Variants in UBE3C observed in about 807,000 individuals in gnomAD.
The protein encoded by UBE3C is ubiquitin protein ligase E3C.
In UBE3C, 42 loss-of-function variants were observed where a neutral mutation model predicts 129.4. That is an observed-to-expected ratio of 0.32 (90% CI 0.25 to 0.42). UBE3C has a LOEUF of 0.42. UBE3C is among the 10% of genes least tolerant of loss of function. The pLI is 1.00. For synonymous variants in UBE3C, 510 were observed against 492.4 expected, an observed-to-expected ratio of 1.04 and a Z score of -0.47; for missense variants, 1,049 against 1,319.1, an observed-to-expected ratio of 0.80 and a Z score of 3.17.
chr7:157,197,708 A>G (rs545872075), intron 10 of UBE3C: 85 of 1,609,992 alleles, frequency 5.3e-5, no homozygotes, highest in Non-Finnish European at 6.8e-5. Flanking sequence ...GAATAAAGTC[A>G]AGAGCTGCAA....
intron 1 of UBE3C, among the ~76,000 whole-genome samples, chr7:157,141,829 C>T (rs534304540): frequency 1.6e-3 from 238 of 152,302 alleles, no homozygotes; most frequent in Non-Finnish European, 2.9e-3. Context: ...AGGTGGACTC[C>T]ATCCGCCTCG....
chr7:157,158,808 ATTG>A (rs985391117), intron 1 of UBE3C, among the ~76,000 whole-genome samples: 2 of 152,184 alleles, frequency 1.3e-5, no homozygotes, highest in African/African-American at 4.8e-5. Flanking sequence ...TTTAAAATCT[ATTG>A]TTGATTTTAT....
At chr7:157,234,203 G>GT (rs964621521) in intron 18 of UBE3C, among the ~76,000 whole-genome samples, 1 of 151,948 alleles carries the variant, frequency 6.6e-6, no homozygotes, top group African/African-American at 2.4e-5. Context: ...AGTCTAACGT[G>GT]TTTTTTTCTT....
intron 19 of UBE3C, among the ~76,000 whole-genome samples, chr7:157,249,473 C>T (rs1796567595): frequency 6.6e-6 from 1 of 152,126 alleles, no homozygotes; most frequent in South Asian, 2.1e-4. Context: ...CCACCACGCC[C>T]AGCTAATTTT....
intron 1 of UBE3C, among the ~76,000 whole-genome samples, chr7:157,156,252 CAAAT>C (rs1345337005): frequency 2.0e-5 from 3 of 146,676 alleles, no homozygotes; most frequent in Non-Finnish European, 3.0e-5. Context: ...TGTAAACAGT[CAAAT>C]AAAATACTAG....
intron 11 of UBE3C, 32 bp downstream of exon 11, chr7:157,201,839 C>A: frequency 6.4e-7 from 1 of 1,561,742 alleles, no homozygotes; most frequent in Non-Finnish European, 8.7e-7. Context: ...AAATTGAGCT[C>A]AAGGGCACAG....
chr7:157,182,392 G>T, intron 8 of UBE3C, 64 bp downstream of exon 8: 1 of 1,526,570 alleles, frequency 6.6e-7, no homozygotes, highest in South Asian at 1.2e-5. Context: ...GATGAGTCAA[G>T]AGAAGGCCAT....
rs750714495 is a variant in UBE3C at position 157,186,981 on chromosome 7, A to C, written c.1291A>C (p.Thr431Pro). 1.9e-6 allele frequency: 3 copies of C among 1,611,898 alleles called. No individual in the cohort carries two copies. Among genetic ancestry groups the C allele is most frequent in the Non-Finnish European group, 2.5e-6 (3 of 1,179,036 alleles). The change falls in exon 10 of 23, where the codon ACG becomes CCG. Residue 431 changes from threonine (T) to proline (P), a missense_variant. This residue lies in a region of UBE3C where 489 missense variants were observed against 513.8 expected (regional missense o/e 0.95). Coordinates refer to ENST00000348165, the MANE Select transcript of UBE3C (RefSeq NM_014671.3). ...CACCACCATGGCCTCCGTCTGCCAC[A>C]CGCTGATGGTGCAGCACCGCATGAT... Reference protein sequence around the residue: ...VFTTMASVCHTLMVQHRMMVP... With the variant: ...VFTTMASVCHPLMVQHRMMVP...
chr7:157,181,851 T>C (rs1406468086), intron 7 of UBE3C, among the ~76,000 whole-genome samples, 180 bp downstream of exon 7: 1 of 152,258 alleles, frequency 6.6e-6, no homozygotes, highest in Non-Finnish European at 1.5e-5. Flanking sequence ...AATACAAATT[T>C]GTGATTCTGA....
chr7:157,247,822 C>G (rs532503582), intron 18 of UBE3C, among the ~76,000 whole-genome samples: 68 of 152,272 alleles, frequency 4.5e-4, no homozygotes, highest in Non-Finnish European at 7.3e-5. Context: ...GGCAGAGTGG[C>G]ATATGCGGTT....
intron 18 of UBE3C, among the ~76,000 whole-genome samples, chr7:157,236,854 C>T (rs1796165785): frequency 6.6e-6 from 1 of 151,920 alleles, no homozygotes; most frequent in Non-Finnish European, 1.5e-5. Flanking sequence ...GCCTCAGCCT[C>T]CCGAGTAGCT....
At chr7:157,147,511 CTTT>C (rs907594904) in intron 1 of UBE3C, among the ~76,000 whole-genome samples, 1 of 151,660 alleles carries the variant, frequency 6.6e-6, no homozygotes, top group Admixed American at 6.6e-5. Flanking sequence ...ATCTGTATGC[CTTT>C]TTTTTCTTTT....
chr7:157,229,651 TGGG>T (rs1001373509), intron 17 of UBE3C, among the ~76,000 whole-genome samples: 17 of 150,662 alleles, frequency 1.1e-4, no homozygotes, highest in African/African-American at 4.2e-4. Context: ...ATTTTAGAGA[TGGG>T]GGTCTCACTT....
rs147794730 is a variant in UBE3C at position 157,248,463 on chromosome 7, C to T, written c.2577C>T (p.Leu859=). Reference sequence around the variant, plus strand: ...GTGCCGACGTGGACATTCACCACCTCGCCTCCCTAGACCCTGAGGTGTATA... The same window carrying T: ...GTGCCGACGTGGACATTCACCACCTTGCCTCCCTAGACCCTGAGGTGTATA... ...GTSADVDIHH[L]ASLDPEVYKN... The change falls in exon 19 of 23, where the codon CTC becomes CTT. Residue 859 remains leucine (L), a synonymous_variant. Transcript: ENST00000348165. The T allele has an allele frequency of 9.3e-6, 15 of 1,613,512 alleles. No homozygotes were observed. Among genetic ancestry groups the T allele is most frequent in the African/African-American group, 4.0e-5 (3 of 74,890 alleles).
At chr7:157,156,832 C>T (rs1807923817) in intron 1 of UBE3C, among the ~76,000 whole-genome samples, 1 of 151,910 alleles carries the variant, frequency 6.6e-6, no homozygotes, top group African/African-American at 2.4e-5. Context: ...TACCACATTC[C>T]TTTAAAGAGC....
intron 18 of UBE3C, among the ~76,000 whole-genome samples, chr7:157,243,494 C>T (rs1392154555): frequency 6.6e-6 from 1 of 152,194 alleles, no homozygotes; most frequent in African/African-American, 2.4e-5. Flanking sequence ...GGAGTGAGTT[C>T]ACCTCAGCTC....
chr7:157,253,971 C>T lies in UBE3C; in HGVS notation c.2712C>T (p.Phe904=), dbSNP rs111389766. The T allele has an allele frequency of 1.7e-3, 2,717 of 1,584,808 alleles. 31 individuals are homozygous for T. The African/African-American group carries it at 0.033, about 19-fold the overall frequency. Residue 904 remains phenylalanine (F), a synonymous_variant, in exon 20 of 23, where the codon TTC becomes TTT. Coordinates refer to ENST00000348165, the MANE Select transcript of UBE3C (RefSeq NM_014671.3). ...LGEAQVVELK[F]GGKDIPVTSA... Reference sequence around the variant, plus strand: ...ATTCCCAGGTAGTTGAACTAAAATTCGGTGGGAAAGACATCCCTGTCACCA... The same window carrying T: ...ATTCCCAGGTAGTTGAACTAAAATTTGGTGGGAAAGACATCCCTGTCACCA...
At position 157,184,952 on chromosome 7, in the gene UBE3C, A is replaced by G. The variant is rs554992202; in HGVS notation, c.1143+923A>G. ...ATGACAAAGGAGTGAAGCCGTTTTT[A>G]TAGTGGACAGTGGATGCTGGAACTG... On this transcript the variant is annotated intron_variant, in intron 9 of 22. Coordinates refer to ENST00000348165, the MANE Select transcript of UBE3C (RefSeq NM_014671.3). Among the ~76,000 whole-genome samples the G allele has an allele frequency of 3.9e-5, 6 of 152,366 alleles. No homozygotes were observed. The East Asian group carries it at 7.7e-4, about 20-fold the overall frequency.
intron 9 of UBE3C, among the ~76,000 whole-genome samples, chr7:157,184,254 T>A (rs1228560804): frequency 2.0e-5 from 3 of 152,188 alleles, no homozygotes; most frequent in Non-Finnish European, 4.4e-5. Flanking sequence ...CATAGCTTTG[T>A]GTTTGGTTTT....
Sources: allele counts gnomAD v4.1 joint callset (sites outside exome capture counted in the v4.1 genomes callset), GRCh38; gene constraint gnomAD v4.1.1; regional missense constraint gnomAD v4.1.1; transcripts MANE v1.5; gene names NCBI Gene and HGNC (gene_info 2026-07-23, HGNC 2026-07-21).